The following KIF16B variants were observed in gnomAD, a reference collection of about 807,000 sequenced individuals.
KIF16B encodes kinesin family member 16B.
KIF16B carries 98 observed loss-of-function variants against 156.3 expected under a neutral mutation model. The ratio of observed to expected loss-of-function variants is 0.63; its 90% CI spans 0.53 to 0.74. The LOEUF is 0.74. KIF16B is among the 30% of genes least tolerant of loss of function. KIF16B has a pLI of 0.00. For synonymous variants in KIF16B, 564 were observed against 583.7 expected (o/e 0.97, Z 0.49); for missense variants, 1,421 against 1,606.5 (o/e 0.88, Z 1.97).
chr20:16,288,280 C>G (rs2063255724), intron 25 of KIF16B, among the ~76,000 whole-genome samples: 1 of 152,180 alleles, frequency 6.6e-6, no homozygotes, highest in South Asian at 2.1e-4. Context: ...TCCTCCTTGT[C>G]TGATTATAGT....
chr20:16,381,606 G>T, intron 18 of KIF16B, 88 bp downstream of exon 18: 1 of 923,676 alleles, frequency 1.1e-6, no homozygotes, highest in East Asian at 2.7e-5. Context: ...GGGAAGTATT[G>T]AAGCAGACAC....
At chr20:16,376,609 C>A (rs1462808750) in intron 19 of KIF16B, among the ~76,000 whole-genome samples, 1 of 152,236 alleles carries the variant, frequency 6.6e-6, no homozygotes, top group African/African-American at 2.4e-5. Context: ...TTAGCTAAGT[C>A]TATTTCATCA....
At chr20:16,281,714 C>A (rs1043864993) in intron 25 of KIF16B, among the ~76,000 whole-genome samples, 2 of 152,168 alleles carry the variant, frequency 1.3e-5, no homozygotes, top group African/African-American at 4.8e-5. Context: ...TCACTGCACA[C>A]GTGTTCTCCA....
At chr20:16,436,842 A>G (rs1043660731) in intron 12 of KIF16B, among the ~76,000 whole-genome samples, 1 of 152,172 alleles carries the variant, frequency 6.6e-6, no homozygotes, top group Non-Finnish European at 1.5e-5. Context: ...TACAAAAAGG[A>G]AGGATGAAAA....
chr20:16,518,833 C>T (rs2069231373), intron 3 of KIF16B, among the ~76,000 whole-genome samples: 1 of 152,020 alleles, frequency 6.6e-6, no homozygotes, highest in Non-Finnish European at 1.5e-5. Context: ...TCAAATCACA[C>T]ACACACACAC....
In KIF16B at chr20:16,511,431, G is replaced by A. The variant is rs780432897; in HGVS notation, c.543C>T (p.Gly181=). 6.3e-7 allele frequency: 1 copy of A among 1,590,518 alleles called. No individual in the cohort carries two copies. Among genetic ancestry groups the A allele is most frequent in the East Asian group, 2.2e-5 (1 of 44,724 alleles). The change falls in exon 6 of 26, where the codon GGC becomes GGT. Residue 181 remains glycine, a synonymous_variant. Coordinates refer to ENST00000354981, the MANE Select transcript of KIF16B (RefSeq NM_024704.5). ...NLRVREHPKE[G]PYVEDLSKHL... is the part of the protein sequence containing the mutation. ...ATCTACTCTTACCCTCAACATAAGG[G>A]CCTTCTTTGGGATGCTCACGGACTC...
At chr20:16,323,894 C>T (rs1348680099) in intron 24 of KIF16B, among the ~76,000 whole-genome samples, 1 of 151,774 alleles carries the variant, frequency 6.6e-6, no homozygotes, top group East Asian at 1.9e-4. Context: ...GTTAGCACTA[C>T]ACCATCTTTC....
At chr20:16,452,196 A>C (rs781677065) in intron 12 of KIF16B, among the ~76,000 whole-genome samples, 22 of 152,306 alleles carry the variant, frequency 1.4e-4, no homozygotes, top group Middle Eastern at 6.8e-3. Flanking sequence ...TGAGAAAAGC[A>C]GACAGAAACG....
chr20:16,413,973 T>C (rs1227178953), intron 15 of KIF16B, among the ~76,000 whole-genome samples: 1 of 152,046 alleles, frequency 6.6e-6, no homozygotes, highest in Non-Finnish European at 1.5e-5. Flanking sequence ...TTCCTTCTGA[T>C]TTAAAATATC....
chr20:16,415,040 T>G (rs73898713), intron 15 of KIF16B, among the ~76,000 whole-genome samples: 4,882 of 152,242 alleles, frequency 0.032, 252 homozygotes, highest in African/African-American at 0.11. Flanking sequence ...CAACTTAGGA[T>G]ATTTTCAGTT....
Position 16,494,273 on chromosome 20 carries a change from C to T in KIF16B, c.1302+18G>A, listed in dbSNP as rs1400578399. The T allele has an allele frequency of 2.0e-6, 3 of 1,468,996 alleles. No individual in the cohort carries two copies. The African/African-American group carries it at 4.2e-5, about 21-fold the overall frequency. The allele number at this position is 1,468,996 out of a possible 1,614,324, so 91.0% of individuals were successfully genotyped here. On this transcript the variant is annotated intron_variant, in intron 12 of 25. Coordinates refer to ENST00000354981, the MANE Select transcript of KIF16B (RefSeq NM_024704.5). ...TAATCCACCATAGTAAGACTAAACA[C>T]ATTTTTCTAGTCCTTACTTTCAAAA... is the stretch of plus-strand genomic sequence containing the variant.
At chr20:16,321,680 A>C (rs1465508543) in intron 24 of KIF16B, among the ~76,000 whole-genome samples, 1 of 152,060 alleles carries the variant, frequency 6.6e-6, no homozygotes, top group Non-Finnish European at 1.5e-5. Context: ...CAGTATTCTC[A>C]TTTGAAGTAA....
At chr20:16,477,246 A>G (rs1010812354) in intron 12 of KIF16B, among the ~76,000 whole-genome samples, 1 of 139,124 alleles carries the variant, frequency 7.2e-6, no homozygotes, top group Non-Finnish European at 1.5e-5. Flanking sequence ...TGAGGAGTTT[A>G]GCCTGGATTC....
chr20:16,498,993 G>A (rs1033591771), intron 10 of KIF16B, among the ~76,000 whole-genome samples: 3 of 152,048 alleles, frequency 2.0e-5, no homozygotes, highest in Admixed American at 6.6e-5. Flanking sequence ...CGAAAGCAGA[G>A]CTGGCCAGAA....
Position 16,543,837 on chromosome 20 carries a change from TC to T in KIF16B, c.48-15398del, listed in dbSNP as rs1307221878. Among the ~76,000 whole-genome samples, 11 of 152,166 alleles carry T rather than the reference TC, an allele frequency of 7.2e-5. 1 individual carries two copies. The East Asian group carries it at 1.6e-3, about 21-fold the overall frequency. On this transcript the variant is annotated intron_variant, in intron 1 of 25. Coordinates refer to ENST00000354981, the MANE Select transcript of KIF16B (RefSeq NM_024704.5). Reference sequence around the variant, plus strand: ...CACCTCACATGTAAAGAAATGCAGGTCCAGAAAGGTTAAGTGACTTACTCAA... The same window carrying T: ...CACCTCACATGTAAAGAAATGCAGGTCAGAAAGGTTAAGTGACTTACTCAA...
At chr20:16,489,489 G>A (rs1434173762) in intron 12 of KIF16B, among the ~76,000 whole-genome samples, 2 of 152,086 alleles carry the variant, frequency 1.3e-5, no homozygotes, top group Non-Finnish European at 2.9e-5. Context: ...TTGAGCCCAG[G>A]AATTCAAGAC....
At chr20:16,546,816 G>A (rs561563825) in intron 1 of KIF16B, among the ~76,000 whole-genome samples, 229 of 151,846 alleles carry the variant, frequency 1.5e-3, no homozygotes, top group Middle Eastern at 6.8e-3. Context: ...TCACTCTGTT[G>A]CCCAGGCTGG....
At chr20:16,446,318 C>T (rs2066929836) in intron 12 of KIF16B, among the ~76,000 whole-genome samples, 1 of 152,154 alleles carries the variant, frequency 6.6e-6, no homozygotes, top group Admixed American at 6.5e-5. Flanking sequence ...CTTTGGCAGA[C>T]CTGTGGTCAT....
At chr20:16,486,461 C>T (rs2068118010) in intron 12 of KIF16B, among the ~76,000 whole-genome samples, 1 of 152,096 alleles carries the variant, frequency 6.6e-6, no homozygotes, top group African/African-American at 2.4e-5. Context: ...CTCTTCTTCG[C>T]CCAAAAGTTT....
Sources: allele counts gnomAD v4.1 joint callset (sites outside exome capture counted in the v4.1 genomes callset), GRCh38; gene constraint gnomAD v4.1.1; transcripts MANE v1.5; gene names NCBI Gene and HGNC (gene_info 2026-07-23, HGNC 2026-07-21).